The following ZNF385A variants were observed in gnomAD, a reference collection of about 807,000 sequenced individuals.
ZNF385A encodes zinc finger protein 385A.
In ZNF385A, 14 loss-of-function variants were observed where a neutral mutation model predicts 32.1. The ratio of observed to expected loss-of-function variants is 0.44; its 90% CI spans 0.29 to 0.68. The LOEUF is 0.68. Among genes scored for constraint, ZNF385A ranks in the 30% least tolerant of loss-of-function variants. ZNF385A has a pLI of 0.14. For missense variants in ZNF385A, 406 were observed against 478.4 expected (o/e 0.85, Z 1.41); for synonymous variants, 197 against 202.7 (o/e 0.97, Z 0.24).
intron 1 of ZNF385A, among the ~76,000 whole-genome samples, chr12:54,390,858 C>A (rs1449576030): frequency 6.6e-6 from 1 of 151,818 alleles, no homozygotes; most frequent in Non-Finnish European, 1.5e-5. Context: ...GACGCTGGGG[C>A]GGGAGACGGG....
chr12:54,370,204 C>T lies in ZNF385A; in HGVS notation c.*52G>A, dbSNP rs1323168564. 1.5e-6 allele frequency: 2 copies of T among 1,367,606 alleles called. No individual in the cohort carries two copies. The highest frequency in any genetic ancestry group is 3.0e-5 in the African/African-American group (2 of 66,276). The allele number at this position is 1,367,606 out of a possible 1,614,324, so 84.7% of individuals were successfully genotyped here. On this transcript the variant is annotated 3_prime_UTR_variant, in exon 7 of 7. Transcript: ENST00000394313. This position sits in a 1 kb window ranked among gnomAD's most constrained non-coding sequence, Gnocchi z 5.5. ...AGGGGCGGGCTGGGAGCCCGGACGC[C>T]TGGGTCCCGGCTGGAGGTGGGGAGT...
chr12:54,388,176 A>T (rs1318777582), upstream of ZNF385A, among the ~76,000 whole-genome samples: 1 of 152,118 alleles, frequency 6.6e-6, no homozygotes, highest in Non-Finnish European at 1.5e-5. Context: ...CCTCCAGCAG[A>T]TAGAGCCCCA....
At chr12:54,390,026 G>A (rs1955594046) in intron 1 of ZNF385A, among the ~76,000 whole-genome samples, 2 of 152,098 alleles carry the variant, frequency 1.3e-5, no homozygotes, top group Admixed American at 1.3e-4. Context: ...AGGGATAGGC[G>A]GTGAAATGAA....
chr12:54,384,742 G>A (rs1413762172), upstream of ZNF385A: 40 of 1,300,132 alleles, frequency 3.1e-5, no homozygotes, highest in Non-Finnish European at 3.5e-5. Context: ...GTGCCCTGTG[G>A]GCCTGGGGGA....
At chr12:54,379,694 C>T (rs1161081328) in intron 1 of ZNF385A, among the ~76,000 whole-genome samples, 2 of 152,152 alleles carry the variant, frequency 1.3e-5, no homozygotes, top group African/African-American at 2.4e-5. Context: ...CTCAGAGACT[C>T]CTCCAAATCA....
chr12:54,373,125 C>CTGTGTGTGTGTGTGTGTGTGTG (rs60672533), intron 3 of ZNF385A: 1 of 139,034 alleles, frequency 7.2e-6, no homozygotes, highest in Non-Finnish European at 1.5e-5. Flanking sequence ...TGAGGGGGTT[C>CTGTGTGTGTGTGTGTGTGTGTG]TGTGTGTGTG....
Position 54,370,744 on chromosome 12 carries a change from G to A in ZNF385A, c.775-23C>T, listed in dbSNP as rs918692365. The A allele has an allele frequency of 1.3e-6, 2 of 1,577,894 alleles. No homozygotes were observed. The highest frequency in any genetic ancestry group is 1.3e-5 in the African/African-American group (1 of 74,402). ...GTGCTGCGGGGGCCAGTGGATAGGG[G>A]GCTGTGAGCTCCCGGAAAGGGGCAA... is the stretch of plus-strand genomic sequence containing the variant. On this transcript the variant is annotated intron_variant, in intron 5 of 6. Transcript: ENST00000394313. This position sits in a 1 kb window ranked among gnomAD's most constrained non-coding sequence, Gnocchi z 5.5.
chr12:54,384,600 G>T lies in ZNF385A; in HGVS notation c.-86C>A, dbSNP rs78646907. The T allele has an allele frequency of 0.011, 15,042 of 1,427,096 alleles. 1,408 individuals are homozygous for T. The African/African-American group carries it at 0.2, about 19-fold the overall frequency. 88.4% of individuals were successfully genotyped at this position (1,427,096 alleles called of 1,614,324 possible). A position where few individuals can be genotyped will look rare whatever the true frequency, so the allele number is the denominator to read the frequency against. On this transcript the variant is annotated 5_prime_UTR_variant, in exon 1 of 7. Transcript: ENST00000394313. The stretch of plus-strand genomic sequence containing the variant: ...GAGAAAACATTCTGTGGGGTAGGAA[G>T]ATTAAAGCTTGGGAACCCCACCCAA...
At position 54,371,044 on chromosome 12, in the gene ZNF385A, T is replaced by G; in HGVS notation, c.657A>C (p.Lys219Asn). 6.2e-7 allele frequency: 1 copy of G among 1,614,068 alleles called. No individual in the cohort carries two copies. The highest frequency in any genetic ancestry group is 8.5e-7 in the Non-Finnish European group (1 of 1,179,972). ...LEARSGLGPI[K>N]AYPRLGPPTP... Reference sequence around the variant, plus strand: ...TGGGAGGCCCCAGCCGAGGGTAAGCTTTGATGGGCCCGAGCCCACTTCGGG... The same window carrying G: ...TGGGAGGCCCCAGCCGAGGGTAAGCGTTGATGGGCCCGAGCCCACTTCGGG... Residue 219 changes from lysine to asparagine, a missense_variant, in exon 5 of 7, where the codon AAA becomes AAC. Lys to Asn is a moderately conservative substitution (Grantham distance 94). Transcript: ENST00000394313.
rs1954405615 is a variant in ZNF385A, at chr12:54,369,505, G to C, written c.*751C>G. 6.6e-6 allele frequency: 1 copy of C among 152,668 alleles called. No homozygotes were observed. Among genetic ancestry groups the C allele is most frequent in the African/African-American group, 2.4e-5 (1 of 41,434 alleles). The allele number at this position is 152,668 out of a possible 1,614,324, so 9.5% of individuals were successfully genotyped here. ...TCACAGTTTTGCGGAAGGCGAGGCG[G>C]GGGTGGGCTTGGACTGGACACCCCT... On this transcript the variant is annotated 3_prime_UTR_variant, in exon 7 of 7. Coordinates refer to ENST00000394313, the MANE Select transcript of ZNF385A (RefSeq NM_015481.3).
At chr12:54,377,146 C>G (rs1195107194) in intron 1 of ZNF385A, among the ~76,000 whole-genome samples, 1 of 152,202 alleles carries the variant, frequency 6.6e-6, no homozygotes, top group Non-Finnish European at 1.5e-5. Flanking sequence ...GCCCTGTCCT[C>G]TGGACTCTCC....
chr12:54,371,406 A>T (rs745601491), intron 4 of ZNF385A, 67 bp downstream of exon 4: 347 of 1,562,626 alleles, frequency 2.2e-4, no homozygotes, highest in Non-Finnish European at 2.8e-4. Context: ...AGCCAGGGGC[A>T]TTAGGATGTA....
intron 1 of ZNF385A, chr12:54,379,177 C>A (rs1359196234): frequency 1.0e-6 from 1 of 979,904 alleles, no homozygotes. Context: ...GTTGCCCGGG[C>A]GGCTCGGGGC....
chr12:54,386,228 AAGTG>A (rs1172249354), upstream of ZNF385A, among the ~76,000 whole-genome samples: 4 of 151,390 alleles, frequency 2.6e-5, no homozygotes, highest in African/African-American at 4.9e-5. Context: ...GGACAGATGA[AAGTG>A]AGTGAGAGGA....
Position 54,374,083 on chromosome 12 carries a change from C to G in ZNF385A, c.251G>C (p.Gly84Ala), listed in dbSNP as rs761796622. ...KGNRHARRVK[G>A]IEAAKTRGRE... is the part of the protein sequence containing the mutation. ...GCCTCTGGTCTTGGCAGCCTCAATG[C>G]CTTTGACTCGTCGGGCGTGGCGATT... Residue 84 changes from glycine to alanine, a missense_variant, in exon 3 of 7, where the codon GGC becomes GCC. Gly to Ala is a moderately conservative substitution (Grantham distance 60). Transcript: ENST00000394313. 1.3e-6 allele frequency: 2 copies of G among 1,598,072 alleles called. No individual in the cohort carries two copies. Among genetic ancestry groups the G allele is most frequent in the South Asian group, 2.2e-5 (2 of 89,814 alleles).
chr12:54,381,613 G>A (rs940417572), intron 1 of ZNF385A, among the ~76,000 whole-genome samples: 1 of 152,094 alleles, frequency 6.6e-6, no homozygotes, highest in Non-Finnish European at 1.5e-5. Context: ...GATGGGGGGA[G>A]GTTTTCTCCC....
At chr12:54,388,710 C>A (rs567765877), upstream of ZNF385A, among the ~76,000 whole-genome samples, 5 of 152,322 alleles carry the variant, frequency 3.3e-5, no homozygotes, top group African/African-American at 9.6e-5. Flanking sequence ...AGGAGAAATT[C>A]AGATCTCTTC....
At chr12:54,376,683 G>A (rs1338263413) in intron 1 of ZNF385A, among the ~76,000 whole-genome samples, 2 of 152,188 alleles carry the variant, frequency 1.3e-5, no homozygotes, top group African/African-American at 4.8e-5. Flanking sequence ...GAGCTGTGGG[G>A]CTGGGCGGGA....
intron 1 of ZNF385A, among the ~76,000 whole-genome samples, chr12:54,390,336 C>T (rs926333661): frequency 8.6e-5 from 13 of 152,032 alleles, no homozygotes; most frequent in Non-Finnish European, 1.8e-4. Flanking sequence ...GCCCTTTCCT[C>T]CCCCACCCCT....
Sources: gnomAD v4.1 joint callset for allele counts (sites outside exome capture counted in the v4.1 genomes callset) on GRCh38, gnomAD v4.1.1 for gene constraint, Gnocchi (gnomAD v3.1) non-coding constraint, MANE v1.5 for transcripts, NCBI Gene and HGNC (gene_info 2026-07-23, HGNC 2026-07-21) for gene names.